CRYBA4: variants seen among roughly 807,000 people sequenced by gnomAD.
CRYBA4 encodes the protein crystallin beta A4, also known as beta-crystallin A4.
Under a neutral mutation model 31.7 loss-of-function variants are expected in CRYBA4, and 30 were observed. That is an observed-to-expected ratio of 0.95 (90% CI 0.71 to 1.28). The LOEUF is 1.28. CRYBA4 is among the 50% of genes most tolerant of loss of function. CRYBA4 has a pLI of 0.00. For missense variants in CRYBA4, 225 were observed against 260.7 expected (o/e 0.86, Z 0.94); for synonymous variants, 102 against 102.3 (o/e 1.00, Z 0.02).
At chr22:26,598,411 C>T in the CRYBA4 span, among the ~76,000 whole-genome samples, 1 of 151,958 alleles carries the variant, frequency 6.6e-6, no homozygotes, top group Non-Finnish European at 1.5e-5. Context: ...GGATCTCACT[C>T]TGTTGCCCAG....
the CRYBA4 span, among the ~76,000 whole-genome samples, chr22:26,613,337 C>T: frequency 6.6e-6 from 1 of 152,210 alleles, no homozygotes; most frequent in Admixed American, 6.5e-5. Flanking sequence ...TGACCCAGCA[C>T]TTCCACTTCT....
At chr22:26,618,913 G>A (rs1422486749), upstream of CRYBA4, among the ~76,000 whole-genome samples, 3 of 152,102 alleles carry the variant, frequency 2.0e-5, no homozygotes, top group African/African-American at 4.8e-5. Flanking sequence ...CCAGTTCCCC[G>A]CCTCTACCCA....
the CRYBA4 span, chr22:26,612,161 C>G: frequency 6.2e-7 from 1 of 1,613,906 alleles, no homozygotes; most frequent in East Asian, 2.2e-5. Flanking sequence ...CTCGACGGCC[C>G]TGGAAGTTTT....
chr22:26,594,030 A>G, the CRYBA4 span, among the ~76,000 whole-genome samples: 1 of 152,214 alleles, frequency 6.6e-6, no homozygotes, highest in Admixed American at 6.5e-5. Flanking sequence ...ATGCAAACTC[A>G]GGTCTCTCTC....
chr22:26,627,520 CTT>C (rs1929783330), intron 4 of CRYBA4, among the ~76,000 whole-genome samples: 1 of 80,260 alleles, frequency 1.2e-5, no homozygotes, highest in East Asian at 3.2e-4. Flanking sequence ...TTCTTTCTTT[CTT>C]TCTCTTTCTT....
At chr22:26,592,486 G>T in the CRYBA4 span, among the ~76,000 whole-genome samples, 3 of 152,248 alleles carry the variant, frequency 2.0e-5, no homozygotes, top group African/African-American at 4.8e-5. Context: ...CATGGGTGGG[G>T]ATCCTTGGAA....
chr22:26,612,210 A>G, the CRYBA4 span: 3 of 1,556,578 alleles, frequency 1.9e-6, no homozygotes, highest in African/African-American at 1.4e-5. Context: ...AGAAGCCCCC[A>G]TGCCAAGGGC....
At chr22:26,597,198 C>T in the CRYBA4 span, among the ~76,000 whole-genome samples, 7 of 152,144 alleles carry the variant, frequency 4.6e-5, no homozygotes, top group Non-Finnish European at 8.8e-5. Flanking sequence ...TATCTCCTGA[C>T]GTACAAGTGT....
the CRYBA4 span, among the ~76,000 whole-genome samples, chr22:26,612,409 C>A: frequency 2.0e-5 from 3 of 152,180 alleles, no homozygotes; most frequent in Non-Finnish European, 4.4e-5. Context: ...GTCGCCCCAG[C>A]TGAAGTTCAG....
chr22:26,609,002 T>A, the CRYBA4 span, among the ~76,000 whole-genome samples: 7 of 152,292 alleles, frequency 4.6e-5, no homozygotes, highest in East Asian at 1.3e-3. Flanking sequence ...GGACCAGGGA[T>A]TGTGGCAGTG....
chr22:26,612,220 C>T, the CRYBA4 span: 4 of 1,486,110 alleles, frequency 2.7e-6, no homozygotes, highest in Non-Finnish European at 3.8e-6. Flanking sequence ...ATGCCAAGGG[C>T]AGAGTGAGGG....
rs754203762 is a variant in CRYBA4, at chr22:26,625,524, A to G, written c.202A>G (p.Ile68Val). ...EHAGFQGQQYILERGEYPSWD... is the reference protein window; with the variant it reads ...EHAGFQGQQYVLERGEYPSWD... ...TGCTGGCTTCCAAGGGCAGCAGTAC[A>G]TTCTGGAACGAGGCGAATATCCAAG... The change falls in exon 4 of 6, where the codon ATT becomes GTT. Residue 68 changes from isoleucine to valine, a missense_variant. Transcript: ENST00000354760. 1.2e-6 allele frequency: 2 copies of G among 1,614,032 alleles called. No homozygotes were observed. The highest frequency in any genetic ancestry group is 1.7e-6 in the Non-Finnish European group (2 of 1,180,022).
At chr22:26,594,104 G>C in the CRYBA4 span, among the ~76,000 whole-genome samples, 1 of 152,120 alleles carries the variant, frequency 6.6e-6, no homozygotes, top group Admixed American at 6.5e-5. Context: ...AAAGTAAGTG[G>C]GCAGGTTTTC....
chr22:26,599,571 C>A, the CRYBA4 span: 2 of 1,614,216 alleles, frequency 1.2e-6, no homozygotes, highest in Non-Finnish European at 1.7e-6. Flanking sequence ...GCAGGGACTG[C>A]ATCTGTGGCT....
the CRYBA4 span, chr22:26,602,103 G>A: frequency 2.6e-6 from 4 of 1,556,078 alleles, no homozygotes; most frequent in Admixed American, 5.1e-5. Flanking sequence ...TCTGGGTGTG[G>A]AGCGAGAGAG....
At chr22:26,599,262 C>T in the CRYBA4 span, 1 of 570,246 alleles carries the variant, frequency 1.8e-6, no homozygotes, top group East Asian at 2.9e-5. Context: ...GGTAGACTCA[C>T]ATAACAGGCA....
At chr22:26,628,576 C>T (rs1210185357) in intron 5 of CRYBA4, 146 bp downstream of exon 5, 1 of 974,952 alleles carries the variant, frequency 1.0e-6, no homozygotes, top group Non-Finnish European at 1.5e-6. Flanking sequence ...AGGTATCAGG[C>T]AGAATTTGAG....
chr22:26,611,491 G>A, the CRYBA4 span, among the ~76,000 whole-genome samples: 12 of 146,028 alleles, frequency 8.2e-5, no homozygotes, highest in South Asian at 2.2e-4. Context: ...TTTTTGAGAC[G>A]GAGTCTCGCT....
In CRYBA4 at chr22:26,630,520, C is replaced by T. The variant is rs1929896739; in HGVS notation, c.*33C>T. 4 of 1,595,816 alleles carry T rather than the reference C, an allele frequency of 2.5e-6. No individual in the cohort carries two copies. The highest frequency in any genetic ancestry group is 3.4e-6 in the Non-Finnish European group (4 of 1,169,958). ...TGCGGCACGGAGGAGCGCATGCGTG[C>T]TTATCTGCAATGGAGGCGCTCTGGA... is the stretch of plus-strand genomic sequence containing the variant. On this transcript the variant is annotated 3_prime_UTR_variant, in exon 6 of 6. Coordinates refer to ENST00000354760, the MANE Select transcript of CRYBA4 (RefSeq NM_001886.3).
Sources: allele counts gnomAD v4.1 joint callset (sites outside exome capture counted in the v4.1 genomes callset), GRCh38; gene constraint gnomAD v4.1.1; transcripts MANE v1.5; gene names NCBI Gene and HGNC (gene_info 2026-07-23, HGNC 2026-07-21).